Variants in MTSS1 observed in about 807,000 individuals in gnomAD.
MTSS1 encodes MTSS I-BAR domain containing 1.
Under a neutral mutation model 79.0 loss-of-function variants are expected in MTSS1, and 18 were observed. The observed-to-expected ratio is 0.23, with a 90% CI of 0.16 to 0.34. The LOEUF is 0.34. MTSS1 is among the 10% of genes least tolerant of loss of function. The pLI is 1.00. For missense variants in MTSS1, 815 were observed against 986.2 expected, an observed-to-expected ratio of 0.83 and a Z score of 2.33; for synonymous variants, 341 against 368.6, an observed-to-expected ratio of 0.93 and a Z score of 0.86.
chr8:124,558,648 G>A, intron 10 of MTSS1: 1 of 1,463,830 alleles, frequency 6.8e-7, no homozygotes, highest in Admixed American at 2.3e-5. Context: ...TGTGAGGGCT[G>A]TCTGAGCAGC....
chr8:124,572,172 T>C (rs1224866547), intron 6 of MTSS1, among the ~76,000 whole-genome samples: 1 of 152,162 alleles, frequency 6.6e-6, no homozygotes, highest in African/African-American at 2.4e-5. Context: ...TAAATTTAAG[T>C]TATCCTATGA....
At chr8:124,703,244 T>C (rs76999154) in intron 2 of MTSS1, among the ~76,000 whole-genome samples, 3,916 of 152,318 alleles carry the variant, frequency 0.026, 160 homozygotes, top group African/African-American at 0.089. Flanking sequence ...AGATAGTTCA[T>C]GTAAATGGAA....
At chr8:124,635,953 G>A (rs1466871601) in intron 3 of MTSS1, among the ~76,000 whole-genome samples, 1 of 152,078 alleles carries the variant, frequency 6.6e-6, no homozygotes, top group Non-Finnish European at 1.5e-5. Flanking sequence ...AGTCTTTAAG[G>A]AAGAACACTC....
intron 1 of MTSS1, among the ~76,000 whole-genome samples, chr8:124,725,622 C>G (rs1042974842): frequency 2.6e-5 from 4 of 152,122 alleles, no homozygotes; most frequent in Non-Finnish European, 5.9e-5. Flanking sequence ...AAGAAGAGAA[C>G]AAGAGGATAA....
chr8:124,705,277 C>T (rs1057031035), intron 1 of MTSS1, among the ~76,000 whole-genome samples: 2 of 152,110 alleles, frequency 1.3e-5, no homozygotes, highest in African/African-American at 2.4e-5. Context: ...TCGAGATCAG[C>T]CTGGCCAACG....
chr8:124,681,362 C>T (rs1164520599), intron 3 of MTSS1, among the ~76,000 whole-genome samples: 1 of 152,158 alleles, frequency 6.6e-6, no homozygotes. Context: ...ATGCCATTCC[C>T]AGTTTCTGTT....
At chr8:124,662,795 T>C (rs1822310404) in intron 3 of MTSS1, among the ~76,000 whole-genome samples, 1 of 152,112 alleles carries the variant, frequency 6.6e-6, no homozygotes, top group African/African-American at 2.4e-5. Context: ...ACGGGTTAAA[T>C]TTTAAAGTCC....
intron 3 of MTSS1, among the ~76,000 whole-genome samples, chr8:124,621,207 T>A (rs529547198): frequency 6.6e-6 from 1 of 152,358 alleles, no homozygotes; most frequent in Admixed American, 6.5e-5. Flanking sequence ...CAGAGATCTA[T>A]TAAGGGCCAG....
intron 1 of MTSS1, among the ~76,000 whole-genome samples, chr8:124,706,420 A>C (rs1830395446): frequency 6.6e-6 from 1 of 152,254 alleles, no homozygotes; most frequent in Non-Finnish European, 1.5e-5. Context: ...AGGTTCTGGC[A>C]ACAACAGCAC....
chr8:124,557,173 T>C (rs934653386), intron 11 of MTSS1, among the ~76,000 whole-genome samples: 10 of 152,202 alleles, frequency 6.6e-5, no homozygotes, highest in Non-Finnish European at 1.2e-4. Flanking sequence ...GCGTGTACTG[T>C]TAAGTTCAAC....
At chr8:124,616,159 C>T (rs962750850) in intron 3 of MTSS1, among the ~76,000 whole-genome samples, 2 of 152,174 alleles carry the variant, frequency 1.3e-5, no homozygotes, top group African/African-American at 2.4e-5. Flanking sequence ...AACATGCAAA[C>T]GCTCTGCTGT....
chr8:124,650,515 C>A (rs1349899398), intron 3 of MTSS1, among the ~76,000 whole-genome samples: 1 of 151,930 alleles, frequency 6.6e-6, no homozygotes, highest in Non-Finnish European at 1.5e-5. Context: ...GATAGAGAAG[C>A]CGCGTTTCCT....
At chr8:124,726,180 G>T (rs1431811290) in intron 1 of MTSS1, among the ~76,000 whole-genome samples, 1 of 152,196 alleles carries the variant, frequency 6.6e-6, no homozygotes, top group African/African-American at 2.4e-5. Flanking sequence ...CCCAGCCAGG[G>T]CATAGTGCCA....
At chr8:124,668,850 G>A (rs764680393) in intron 3 of MTSS1, among the ~76,000 whole-genome samples, 9 of 152,146 alleles carry the variant, frequency 5.9e-5, no homozygotes, top group Non-Finnish European at 8.8e-5. Context: ...CTTTGTTCCC[G>A]TGAAGTGCAA....
chr8:124,583,811 T>C (rs10103773), intron 6 of MTSS1, among the ~76,000 whole-genome samples: 2 of 152,038 alleles, frequency 1.3e-5, no homozygotes, highest in African/African-American at 4.8e-5. Context: ...TCAGACTTCA[T>C]GGAATATGGT....
At chr8:124,700,445 T>TCA (rs1235553366) in intron 2 of MTSS1, among the ~76,000 whole-genome samples, 1 of 152,164 alleles carries the variant, frequency 6.6e-6, no homozygotes. Context: ...GCCTCATGAC[T>TCA]CACAGGCTTG....
At chr8:124,663,468 A>G (rs576720547) in intron 3 of MTSS1, among the ~76,000 whole-genome samples, 6 of 152,134 alleles carry the variant, frequency 3.9e-5, no homozygotes, top group Admixed American at 6.5e-5. Context: ...TAGGAAACCC[A>G]GCTTTGGCAT....
intron 3 of MTSS1, among the ~76,000 whole-genome samples, chr8:124,684,613 G>A (rs1826658217): frequency 6.6e-6 from 1 of 152,158 alleles, no homozygotes; most frequent in South Asian, 2.1e-4. Context: ...ATGTATTTGA[G>A]AGATTTAATA....
chr8:124,707,961 T>A (rs544734252), intron 1 of MTSS1, among the ~76,000 whole-genome samples: 1 of 152,306 alleles, frequency 6.6e-6, no homozygotes, highest in African/African-American at 2.4e-5. Context: ...GAGCACTGGG[T>A]CCTGAGGTCT....
Sources: allele counts gnomAD v4.1 joint callset (sites outside exome capture counted in the v4.1 genomes callset), GRCh38; gene constraint gnomAD v4.1.1; transcripts MANE v1.5; gene names NCBI Gene and HGNC (gene_info 2026-07-23, HGNC 2026-07-21).